The following FGF14 variants were observed in gnomAD, a reference collection of about 807,000 sequenced individuals.
FGF14 encodes the protein fibroblast growth factor homologous factor 4.
FGF14 carries 5 observed loss-of-function variants against 25.5 expected under a neutral mutation model. That is an observed-to-expected ratio of 0.20 (90% CI 0.10 to 0.41). FGF14 has a LOEUF of 0.41. Among genes scored for constraint, FGF14 ranks in the 10% least tolerant of loss-of-function variants. The pLI is 1.00. For missense variants in FGF14, 222 were observed against 320.1 expected (o/e 0.69, Z 2.34); for synonymous variants, 138 against 118.3 (o/e 1.17, Z -1.08).
chr13:102,085,899 T>G lies in FGF14; in HGVS notation c.209-210603A>C, dbSNP rs963491392. 7.9e-5 allele frequency among the ~76,000 whole-genome samples: 12 copies of G among 152,202 alleles called. 1 individual carries two copies. Among genetic ancestry groups the G allele is most frequent in the African/African-American group, 2.7e-4 (11 of 41,448 alleles). ...AGACAAAGGAATAAGGCATCTTAAG[T>G]TCTACTCCAGGAAGTTTGTTTAAGT... is the stretch of plus-strand genomic sequence containing the variant. On this transcript the variant is annotated intron_variant, in intron 1 of 4. Coordinates refer to the FGF14 transcript ENST00000376131.
chr13:101,761,542 G>A (rs1386214044), intron 3 of FGF14, among the ~76,000 whole-genome samples: 2 of 152,082 alleles, frequency 1.3e-5, no homozygotes, highest in Non-Finnish European at 2.9e-5. Context: ...ATAGACAAAT[G>A]CTTATTTAGG....
In FGF14 at chr13:102,231,084, C is replaced by T. The variant is rs565620499; in HGVS notation, c.208+170387G>A. Among the ~76,000 whole-genome samples, 171 of 152,218 alleles carry T rather than the reference C, an allele frequency of 1.1e-3. 2 individuals carry two copies. Among genetic ancestry groups the T allele is most frequent in the African/African-American group, 3.7e-3 (154 of 41,532 alleles). ...TTTCTTTTTTGTCTATAATGTCATA[C>T]TTTGATATCTGTCAATCTGGTGAGC... On this transcript the variant is annotated intron_variant, in intron 1 of 4. Transcript: ENST00000376131.
intron 1 of FGF14, among the ~76,000 whole-genome samples, chr13:102,249,486 G>A (rs768954140): frequency 1.3e-5 from 2 of 152,176 alleles, no homozygotes; most frequent in Non-Finnish European, 2.9e-5. Flanking sequence ...CAGACAGTGC[G>A]GAATGCAGAC....
rs117045661 is a variant in FGF14, at chr13:101,735,162, C to T, written c.409-8352G>A. On this transcript the variant is annotated intron_variant, in intron 3 of 4. Coordinates refer to ENST00000376143, the MANE Select transcript of FGF14 (RefSeq NM_004115.4). ...ATTCCTAGAGGTGATCAAGTCCTGC[C>T]GAGATCTACAGAGCCACCTAGCCAA... 5.6e-4 allele frequency among the ~76,000 whole-genome samples: 85 copies of T among 152,176 alleles called. No homozygotes were observed. In the Middle Eastern group the frequency reaches 0.017, roughly 30 times the overall value.
rs138384276 is a variant in FGF14, at chr13:102,255,076, A to G, written c.208+146395T>C. Reference sequence around the variant, plus strand: ...GTTCACAGTGCTGTTTCCATGAATCAAAACTGAATCATTTAGACCTCATCA... The same window carrying G: ...GTTCACAGTGCTGTTTCCATGAATCGAAACTGAATCATTTAGACCTCATCA... On this transcript the variant is annotated intron_variant, in intron 1 of 4. Coordinates refer to the FGF14 transcript ENST00000376131. 5.6e-3 allele frequency among the ~76,000 whole-genome samples: 847 copies of G among 152,342 alleles called. 7 individuals are homozygous for G. Among genetic ancestry groups the G allele is most frequent in the African/African-American group, 0.019 (794 of 41,576 alleles).
chr13:101,769,975 A>G (rs9518528), intron 3 of FGF14, among the ~76,000 whole-genome samples: 143,649 of 152,152 alleles, frequency 0.94, 68,375 homozygotes, highest in East Asian at 1. Flanking sequence ...CTAATGATGC[A>G]TCATGTAGGT....
chr13:101,957,375 A>G (rs2036576172), intron 1 of FGF14, among the ~76,000 whole-genome samples: 2 of 152,326 alleles, frequency 1.3e-5, no homozygotes, highest in Middle Eastern at 3.4e-3. Context: ...GACAAAGAGG[A>G]ATAAGACGAA....
At chr13:101,746,366 T>C (rs1214401890) in intron 3 of FGF14, among the ~76,000 whole-genome samples, 2 of 151,998 alleles carry the variant, frequency 1.3e-5, no homozygotes, top group East Asian at 1.9e-4. Flanking sequence ...GACAATATTC[T>C]CTATCTTGTT....
chr13:102,381,969 T>C (rs1334821290), intron 1 of FGF14, among the ~76,000 whole-genome samples: 1 of 152,170 alleles, frequency 6.6e-6, no homozygotes. Flanking sequence ...GTTGGACCCC[T>C]ACCTCACAGC....
intron 3 of FGF14, among the ~76,000 whole-genome samples, chr13:101,783,144 T>A (rs1049750617): frequency 6.6e-6 from 1 of 152,164 alleles, no homozygotes; most frequent in Non-Finnish European, 1.5e-5. Context: ...TGAGCCTTTT[T>A]TTCATATGAT....
At chr13:101,971,095 C>CACCCCA (rs1248818320) in intron 1 of FGF14, among the ~76,000 whole-genome samples, 1 of 152,114 alleles carries the variant, frequency 6.6e-6, no homozygotes, top group Non-Finnish European at 1.5e-5. Context: ...GTGGAAAGTT[C>CACCCCA]CCTTCACCCC....
intron 1 of FGF14, among the ~76,000 whole-genome samples, chr13:101,894,887 C>T (rs1462920749): frequency 6.6e-6 from 1 of 151,994 alleles, no homozygotes; most frequent in African/African-American, 2.4e-5. Flanking sequence ...CATCGAGAAG[C>T]ATAGCATGGA....
chr13:101,897,644 A>T (rs2030896832), intron 1 of FGF14, among the ~76,000 whole-genome samples: 1 of 152,154 alleles, frequency 6.6e-6, no homozygotes. Flanking sequence ...ATAGGTTTTT[A>T]ACATTCTGGA....
intron 1 of FGF14, among the ~76,000 whole-genome samples, chr13:102,280,240 T>C (rs1037981816): frequency 1.3e-5 from 2 of 152,204 alleles, no homozygotes; most frequent in African/African-American, 4.8e-5. Context: ...ATATTTATCT[T>C]TTTAAAATTA....
intron 1 of FGF14, among the ~76,000 whole-genome samples, chr13:101,877,873 A>C (rs1285799653): frequency 6.6e-6 from 1 of 152,166 alleles, no homozygotes. Flanking sequence ...CAGTACTATA[A>C]GTTTAAAACA....
intron 4 of FGF14, among the ~76,000 whole-genome samples, chr13:101,726,389 T>C (rs2035439139): frequency 6.6e-6 from 1 of 151,924 alleles, no homozygotes. Flanking sequence ...AGAGAAGAAA[T>C]TTTTCCTGGT....
intron 1 of FGF14, among the ~76,000 whole-genome samples, chr13:102,283,695 G>GA (rs1215118227): frequency 2.0e-5 from 3 of 151,994 alleles, no homozygotes; most frequent in Non-Finnish European, 2.9e-5. Context: ...ATACTTCATT[G>GA]AAAAAATGCA....
chr13:101,849,285 C>T (rs990288902), intron 3 of FGF14, among the ~76,000 whole-genome samples: 9 of 151,974 alleles, frequency 5.9e-5, no homozygotes, highest in Non-Finnish European at 1.2e-4. Flanking sequence ...ACAAAATCAC[C>T]GTAAGCGACC....
chr13:102,370,260 G>A (rs2057838333), intron 1 of FGF14, among the ~76,000 whole-genome samples: 1 of 151,908 alleles, frequency 6.6e-6, no homozygotes, highest in Admixed American at 6.6e-5. Context: ...CAAAGTGCTG[G>A]GATTACAATT....
Sources: gnomAD v4.1 joint callset for allele counts (sites outside exome capture counted in the v4.1 genomes callset) on GRCh38, gnomAD v4.1.1 for gene constraint, MANE v1.5 for transcripts, NCBI Gene and HGNC (gene_info 2026-07-23, HGNC 2026-07-21) for gene names.